OR1F1: variants seen among roughly 807,000 people sequenced by gnomAD.
OR1F1 encodes olfactory receptor 1F1.
For missense variants in OR1F1, 493 were observed against 376.3 expected, an observed-to-expected ratio of 1.31 and a Z score of -2.57; for synonymous variants, 184 against 156.7, an observed-to-expected ratio of 1.17 and a Z score of -1.30.
At chr16:3,201,943 C>T (rs1448780243), upstream of OR1F1, among the ~76,000 whole-genome samples, 1 of 152,174 alleles carries the variant, frequency 6.6e-6, no homozygotes, top group African/African-American at 2.4e-5. Flanking sequence ...TGCAAAACTC[C>T]CTAGAGCTGT....
At position 3,204,408 on chromosome 16, in the gene OR1F1, C is replaced by A. The variant is rs140644764; in HGVS notation, c.162C>A (p.Cys54Ter). The A allele has an allele frequency of 7.1e-4, 1,145 of 1,614,104 alleles. No individual in the cohort carries two copies. The highest frequency in any genetic ancestry group is 8.7e-4 in the Non-Finnish European group (1,030 of 1,180,018). Residue 54 changes from cysteine to a stop codon, truncating the protein, a stop_gained, in exon 1 of 1, where the codon TGC (cysteine) becomes TGA (stop). Coordinates refer to ENST00000304646, the Ensembl canonical transcript of OR1F1. LOFTEE classifies it low-confidence loss of function (END_TRUNC). ...TCCTGTCCGTAAGCATAGACTCCTG[C>A]CTGCACACCCCCATGTACTTCTTCC...
upstream of OR1F1, chr16:3,204,195 G>A: frequency 1.4e-6 from 2 of 1,407,068 alleles, no homozygotes; most frequent in Non-Finnish European, 1.9e-6. Flanking sequence ...CATTTTCCAA[G>A]CTTTTGCATT....
chr16:3,199,571 G>T (rs62032753), upstream of OR1F1, among the ~76,000 whole-genome samples: 152,208 of 152,208 alleles, frequency 1, 76,104 homozygotes, highest in Non-Finnish European at 1. Flanking sequence ...GCTTAAGCGG[G>T]CCTCCCACCT....
chr16:3,202,979 C>A (rs982483582), upstream of OR1F1, among the ~76,000 whole-genome samples: 2 of 138,532 alleles, frequency 1.4e-5, no homozygotes, highest in African/African-American at 3.5e-5. Context: ...AATCCCAGTA[C>A]AGCTTCACAG....
In OR1F1 at chr16:3,205,007, C is replaced by G. The variant is rs753464338; in HGVS notation, c.761C>G (p.Thr254Ser). 30 of 1,614,052 alleles carry G rather than the reference C, an allele frequency of 1.9e-5. No individual in the cohort carries two copies. In the Middle Eastern group the frequency reaches 4.9e-4, roughly 27 times the overall value. Residue 254 changes from threonine to serine, a missense_variant, in exon 1 of 1, where the codon ACC (threonine) becomes AGC (serine). Thr to Ser is a moderately conservative substitution (Grantham distance 58, BLOSUM62 1). Coordinates refer to ENST00000304646, the Ensembl canonical transcript of OR1F1. The stretch of plus-strand genomic sequence containing the variant: ...GCTGTGGTTCTCCTCTTCTACAGCA[C>G]CATCATTGCTGTGTATTTTAACCCT...
chr16:3,196,373 TA>T, the OR1F1 span, among the ~76,000 whole-genome samples: 1 of 152,134 alleles, frequency 6.6e-6, no homozygotes, highest in East Asian at 1.9e-4. Flanking sequence ...ATTAAAGTTT[TA>T]AAGTAAAAAT....
At chr16:3,193,982 C>T in the OR1F1 span, among the ~76,000 whole-genome samples, 4 of 152,224 alleles carry the variant, frequency 2.6e-5, no homozygotes, top group Non-Finnish European at 5.9e-5. Flanking sequence ...TCGAGTTCCA[C>T]CTGGGGTAAG....
chr16:3,205,220 AATTT>A (rs1958191411), downstream of OR1F1: 8 of 1,506,884 alleles, frequency 5.3e-6, no homozygotes, highest in Non-Finnish European at 6.3e-6. Flanking sequence ...TTCCCAAGGA[AATTT>A]ATTTTTCACC....
downstream of OR1F1, among the ~76,000 whole-genome samples, chr16:3,205,504 C>T (rs866478363): frequency 7.5e-5 from 11 of 147,624 alleles, no homozygotes; most frequent in Non-Finnish European, 8.9e-5. Flanking sequence ...TTTTTTGAGA[C>T]GGAGTCTCTC....
chr16:3,197,291 T>C, the OR1F1 span, among the ~76,000 whole-genome samples: 2 of 152,134 alleles, frequency 1.3e-5, no homozygotes, highest in South Asian at 4.1e-4. Context: ...AGTGCTGGGA[T>C]TACAGGTGTG....
At chr16:3,198,850 T>C in the OR1F1 span, among the ~76,000 whole-genome samples, 1 of 151,672 alleles carries the variant, frequency 6.6e-6, no homozygotes, top group Non-Finnish European at 1.5e-5. Flanking sequence ...TAGCTGGGCT[T>C]GGAGGCTGTG....
At chr16:3,206,302 C>T (rs1437110413), downstream of OR1F1, among the ~76,000 whole-genome samples, 2 of 152,204 alleles carry the variant, frequency 1.3e-5, no homozygotes, top group African/African-American at 4.8e-5. Context: ...TTTATCAAGA[C>T]AATACGTGCA....
the OR1F1 span, among the ~76,000 whole-genome samples, chr16:3,197,255 G>A: frequency 6.6e-6 from 1 of 151,832 alleles, no homozygotes; most frequent in Non-Finnish European, 1.5e-5. Flanking sequence ...TTGACCTCAG[G>A]TGGTCCACCT....
chr16:3,190,666 G>A, the OR1F1 span, among the ~76,000 whole-genome samples: 1 of 149,648 alleles, frequency 6.7e-6, no homozygotes, highest in African/African-American at 2.5e-5. Flanking sequence ...CAGGAGAATC[G>A]CTTGAACCCC....
At chr16:3,204,527 T>C in exon 1 of OR1F1, 1 of 1,614,168 alleles carries the variant, frequency 6.2e-7, no homozygotes, top group Non-Finnish European at 8.5e-7. Flanking sequence ...ACCATCTCCT[T>C]CTGTGGCTGT....
upstream of OR1F1, chr16:3,204,245 C>T (rs57224133): frequency 2.0e-3 from 3,170 of 1,589,220 alleles, 40 homozygotes; most frequent in African/African-American, 0.033. Context: ...GATCCCAGGC[C>T]CATGAGCGGG....
At chr16:3,196,550 AT>A in the OR1F1 span, among the ~76,000 whole-genome samples, 3 of 151,786 alleles carry the variant, frequency 2.0e-5, no homozygotes, top group East Asian at 5.8e-4. Context: ...CACCCAGCTA[AT>A]TTTTAAAATT....
chr16:3,188,712 A>T, the OR1F1 span, among the ~76,000 whole-genome samples: 2 of 151,650 alleles, frequency 1.3e-5, no homozygotes, highest in East Asian at 1.9e-4. Context: ...TCTGGAGGGG[A>T]CAGGGAGCCC....
At chr16:3,203,964 C>A (rs866710518), upstream of OR1F1, among the ~76,000 whole-genome samples, 3 of 152,248 alleles carry the variant, frequency 2.0e-5, no homozygotes, top group Non-Finnish European at 2.9e-5. Context: ...GTGGGGAACA[C>A]AAACTGACTG....
Sources: gnomAD v4.1 joint callset for allele counts (sites outside exome capture counted in the v4.1 genomes callset) on GRCh38, gnomAD v4.1.1 for gene constraint, MANE v1.5 for transcripts, NCBI Gene and HGNC (gene_info 2026-07-23, HGNC 2026-07-21) for gene names.